The following CTNNA2 variants were observed in gnomAD, a reference collection of about 807,000 sequenced individuals.
The protein encoded by CTNNA2 is catenin alpha 2.
Under a neutral mutation model 101.0 loss-of-function variants are expected in CTNNA2, and 42 were observed. That is an observed-to-expected ratio of 0.42 (90% CI 0.32 to 0.54). The LOEUF is 0.54. Among genes scored for constraint, CTNNA2 ranks in the 20% least tolerant of loss-of-function variants. The pLI, the probability that CTNNA2 is intolerant of heterozygous loss-of-function variation, is 0.14. For missense variants in CTNNA2, 871 were observed against 1,223.1 expected (o/e 0.71, Z 4.29); for synonymous variants, 450 against 456.4 (o/e 0.99, Z 0.18).
At chr2:79,655,791 T>C (rs1487359858) in intron 2 of CTNNA2, among the ~76,000 whole-genome samples, 1 of 150,298 alleles carries the variant, frequency 6.7e-6, no homozygotes, top group Non-Finnish European at 1.5e-5. Context: ...ATCATGCCAC[T>C]GCACTCTAAC....
chr2:79,997,921 A>T (rs1378363520), intron 7 of CTNNA2, among the ~76,000 whole-genome samples: 1 of 152,222 alleles, frequency 6.6e-6, no homozygotes, highest in Non-Finnish European at 1.5e-5. Flanking sequence ...CCAAAGAGAT[A>T]GTGCTTTCCT....
At chr2:79,465,933 C>T (rs1187560551) in intron 4 of CTNNA2, among the ~76,000 whole-genome samples, 1 of 152,174 alleles carries the variant, frequency 6.6e-6, no homozygotes, top group Admixed American at 6.5e-5. Context: ...ATAGGAACAG[C>T]TCCAGTCTAC....
chr2:79,257,107 G>A lies in CTNNA2; in HGVS notation c.-405-55602G>A, dbSNP rs563623011. On this transcript the variant is annotated intron_variant, in intron 2 of 21. Transcript: ENST00000466387. ...TAAAGATTGTTTCAGCCGCTGATAC[G>A]TGGACGTTCACTTTACTCTCCTTTT... Among the ~76,000 whole-genome samples, 41 of 152,264 alleles carry A rather than the reference G, an allele frequency of 2.7e-4. 1 individual carries two copies. The South Asian group carries it at 7.9e-3, about 29-fold the overall frequency.
intron 2 of CTNNA2, chr2:79,697,880 G>A (rs1684744591): frequency 6.6e-6 from 1 of 151,786 alleles, no homozygotes; most frequent in African/African-American, 2.4e-5. Context: ...AAGAGGATGT[G>A]GTTGAAACAG....
chr2:79,735,724 C>A (rs1670827456), intron 2 of CTNNA2, among the ~76,000 whole-genome samples: 2 of 152,080 alleles, frequency 1.3e-5, no homozygotes, highest in Non-Finnish European at 2.9e-5. Flanking sequence ...CAGTTCAGTC[C>A]TATCTTAGAT....
At chr2:80,285,561 A>G (rs894339763) in intron 7 of CTNNA2, among the ~76,000 whole-genome samples, 5 of 152,278 alleles carry the variant, frequency 3.3e-5, no homozygotes, top group South Asian at 4.1e-4. Flanking sequence ...TGGTCTTTGT[A>G]CAAGGGTCAT....
At chr2:80,095,365 G>C (rs1402789718) in intron 7 of CTNNA2, among the ~76,000 whole-genome samples, 2 of 152,198 alleles carry the variant, frequency 1.3e-5, no homozygotes, top group East Asian at 1.9e-4. Context: ...ACTTGATCAT[G>C]GTGGATAAGC....
rs547946606 is a variant in CTNNA2, at chr2:79,737,244, G to A, written c.103-7143G>A. On this transcript the variant is annotated intron_variant, in intron 2 of 18. Transcript: ENST00000402739. ...GGTGCCTGTAATCCCAGCTACTCGGGAGGCTGAGGCAGGAGAATAGCTTGA... is the reference window on the plus strand; with the variant it reads ...GGTGCCTGTAATCCCAGCTACTCGGAAGGCTGAGGCAGGAGAATAGCTTGA... Among the ~76,000 whole-genome samples, 218 of 152,054 alleles carry A rather than the reference G, an allele frequency of 1.4e-3. 2 individuals are homozygous for A. Among genetic ancestry groups the A allele is most frequent in the African/African-American group, 4.8e-3 (200 of 41,474 alleles).
intron 7 of CTNNA2, among the ~76,000 whole-genome samples, chr2:79,916,360 GTTT>G (rs1311664729): frequency 1.3e-5 from 2 of 151,882 alleles, no homozygotes; most frequent in Non-Finnish European, 2.9e-5. Context: ...TTTTCCTTGC[GTTT>G]TTCTTACTTG....
intron 7 of CTNNA2, among the ~76,000 whole-genome samples, chr2:80,088,628 G>C (rs1212054837): frequency 6.6e-6 from 1 of 151,980 alleles, no homozygotes; most frequent in African/African-American, 2.4e-5. Context: ...CCTCAAATAG[G>C]TACTGTGGTT....
intron 7 of CTNNA2, among the ~76,000 whole-genome samples, chr2:79,933,476 A>G (rs1419713415): frequency 1.4e-5 from 2 of 146,854 alleles, no homozygotes; most frequent in Non-Finnish European, 3.0e-5. Flanking sequence ...TTTTTTTGAG[A>G]TGGAGTCTTC....
At chr2:80,483,814 C>T (rs989400969) in intron 9 of CTNNA2, among the ~76,000 whole-genome samples, 2 of 152,038 alleles carry the variant, frequency 1.3e-5, no homozygotes, top group African/African-American at 4.8e-5. Flanking sequence ...TGAAAAAGTA[C>T]TCTGTGCTGA....
chr2:80,138,069 G>C (rs1702796701), intron 7 of CTNNA2, among the ~76,000 whole-genome samples: 1 of 152,146 alleles, frequency 6.6e-6, no homozygotes. Flanking sequence ...GAATTCCACA[G>C]AGCATCCTGG....
intron 7 of CTNNA2, among the ~76,000 whole-genome samples, chr2:80,237,719 T>C (rs890890796): frequency 3.3e-5 from 5 of 152,296 alleles, no homozygotes; most frequent in Middle Eastern, 3.4e-3. Context: ...AGGATCTGCA[T>C]TGATGTTTCA....
chr2:80,081,098 G>GT (rs1486663050), intron 7 of CTNNA2, among the ~76,000 whole-genome samples: 4 of 147,718 alleles, frequency 2.7e-5, no homozygotes, highest in African/African-American at 1.0e-4. Flanking sequence ...TTAAATGTTG[G>GT]TTAAAAAAAA....
At chr2:79,747,293 A>G (rs887750463) in intron 3 of CTNNA2, among the ~76,000 whole-genome samples, 1 of 152,048 alleles carries the variant, frequency 6.6e-6, no homozygotes, top group African/African-American at 2.4e-5. Flanking sequence ...TTGCAGATGG[A>G]CGCTTGTTTG....
At chr2:80,268,253 G>A (rs1028469640) in intron 7 of CTNNA2, among the ~76,000 whole-genome samples, 1 of 152,210 alleles carries the variant, frequency 6.6e-6, no homozygotes, top group South Asian at 2.1e-4. Context: ...AAAGGGGGTG[G>A]GTACCGGCTG....
chr2:80,279,049 CGTGTGTGT>C (rs3219982), intron 7 of CTNNA2, among the ~76,000 whole-genome samples: 16 of 135,820 alleles, frequency 1.2e-4, no homozygotes, highest in African/African-American at 3.3e-4. Context: ...ATGACTTTTA[CGTGTGTGT>C]GTGTGTGTGT....
intron 17 of CTNNA2, 103 bp from the exon 18 acceptor site, chr2:80,618,982 A>G: frequency 1.5e-6 from 1 of 654,570 alleles, no homozygotes; most frequent in Non-Finnish European, 2.3e-6. Flanking sequence ...CCAATTACCC[A>G]TTCCCTCTTC....
Sources: allele counts gnomAD v4.1 joint callset (sites outside exome capture counted in the v4.1 genomes callset), GRCh38; gene constraint gnomAD v4.1.1; transcripts MANE v1.5; gene names NCBI Gene and HGNC (gene_info 2026-07-23, HGNC 2026-07-21).